Variants in TUSC3 observed in about 807,000 individuals in gnomAD.
The protein encoded by TUSC3 is dolichyl-diphosphooligosaccharide--protein glycosyltransferase subunit TUSC3.
TUSC3 carries 45 observed loss-of-function variants against 44.8 expected under a neutral mutation model. The observed-to-expected ratio is 1.00, with a 90% CI of 0.79 to 1.29. The LOEUF is 1.29. Among genes scored for constraint, TUSC3 ranks in the 50% most tolerant of loss-of-function variants. TUSC3 has a pLI of 0.00. For synonymous variants in TUSC3, 212 were observed against 152.9 expected (o/e 1.39, Z -2.85); for missense variants, 519 against 437.9 (o/e 1.19, Z -1.65).
intron 2 of TUSC3, among the ~76,000 whole-genome samples, chr8:15,520,195 T>G (rs1273724967): frequency 6.6e-6 from 1 of 152,190 alleles, no homozygotes; most frequent in African/African-American, 2.4e-5. Context: ...TATGAAACAC[T>G]GAGAAAGAGG....
At chr8:15,722,271 C>G (rs908007809) in intron 6 of TUSC3, among the ~76,000 whole-genome samples, 1 of 149,976 alleles carries the variant, frequency 6.7e-6, no homozygotes. Context: ...TTTCCTTTAC[C>G]TACAACACCT....
intron 3 of TUSC3, among the ~76,000 whole-genome samples, chr8:15,657,381 C>G (rs565887884): frequency 1.3e-5 from 2 of 152,198 alleles, no homozygotes; most frequent in Admixed American, 6.5e-5. Flanking sequence ...CAGATATCCT[C>G]GTTGATTGCT....
intron 1 of TUSC3, among the ~76,000 whole-genome samples, chr8:15,592,271 G>A (rs963640239): frequency 2.0e-5 from 3 of 152,174 alleles, no homozygotes; most frequent in Admixed American, 1.3e-4. Flanking sequence ...AGCTCTCAAG[G>A]CAGACAATTG....
chr8:15,806,132 G>A, the TUSC3 span: 2 of 445,458 alleles, frequency 4.5e-6, no homozygotes, highest in African/African-American at 2.0e-5. Flanking sequence ...AAACTCCATG[G>A]CTAGATGAGC....
At chr8:15,422,183 T>A (rs1799746121) in intron 1 of TUSC3, among the ~76,000 whole-genome samples, 1 of 152,234 alleles carries the variant, frequency 6.6e-6, no homozygotes, top group Non-Finnish European at 1.5e-5. Context: ...TACTATGGTT[T>A]TTTATGTACT....
chr8:15,651,021 AC>A (rs1806879993), intron 3 of TUSC3: 4 of 502,436 alleles, frequency 8.0e-6, no homozygotes, highest in South Asian at 4.2e-5. Context: ...ACACACACAC[AC>A]AAATACAATT....
At chr8:15,420,400 A>G (rs1390204812) in intron 1 of TUSC3, among the ~76,000 whole-genome samples, 2 of 151,968 alleles carry the variant, frequency 1.3e-5, no homozygotes, top group South Asian at 2.1e-4. Context: ...TTGGAGGCTG[A>G]GGCAGGAAAA....
At chr8:15,497,865 C>G (rs2129126577) in intron 2 of TUSC3, among the ~76,000 whole-genome samples, 1 of 152,152 alleles carries the variant, frequency 6.6e-6, no homozygotes, top group East Asian at 1.9e-4. Context: ...CTGCCTCAGC[C>G]TCCTGAGTAG....
At chr8:15,823,883 T>G in the TUSC3 span, among the ~76,000 whole-genome samples, 1,884 of 152,300 alleles carry the variant, frequency 0.012, 37 homozygotes, top group East Asian at 0.076. Flanking sequence ...CGTAAAGCAT[T>G]ATTTATTAGT....
chr8:15,515,725 T>C (rs914456711), intron 2 of TUSC3, among the ~76,000 whole-genome samples: 1 of 152,094 alleles, frequency 6.6e-6, no homozygotes, highest in African/African-American at 2.4e-5. Flanking sequence ...TGGAGGGCAG[T>C]CATGCAATCT....
intron 1 of TUSC3, among the ~76,000 whole-genome samples, chr8:15,601,981 TG>T (rs1284126181): frequency 6.6e-6 from 1 of 151,536 alleles, no homozygotes; most frequent in African/African-American, 2.4e-5. Flanking sequence ...CATTATAATT[TG>T]TATCAATTGA....
chr8:15,759,680 G>A (rs2129223918), intron 10 of TUSC3, among the ~76,000 whole-genome samples: 1 of 151,954 alleles, frequency 6.6e-6, no homozygotes, highest in African/African-American at 2.4e-5. Context: ...TCATACCCTG[G>A]ATTTTGTAAC....
intron 1 of TUSC3, among the ~76,000 whole-genome samples, chr8:15,601,781 C>A (rs1009055371): frequency 6.6e-6 from 1 of 151,672 alleles, no homozygotes; most frequent in African/African-American, 2.4e-5. Flanking sequence ...GTATTAAGAG[C>A]TTTCCTGAGT....
At chr8:15,756,332 C>T (rs531723745) in intron 9 of TUSC3, among the ~76,000 whole-genome samples, 2 of 152,192 alleles carry the variant, frequency 1.3e-5, no homozygotes, top group African/African-American at 2.4e-5. Flanking sequence ...TATGATAAAA[C>T]CTACCTCAGA....
At chr8:15,811,833 T>G in the TUSC3 span, among the ~76,000 whole-genome samples, 1 of 152,144 alleles carries the variant, frequency 6.6e-6, no homozygotes, top group Non-Finnish European at 1.5e-5. Context: ...CTGTCACATT[T>G]GTCTGAGTAG....
At chr8:15,638,198 C>T (rs1301371576) in intron 2 of TUSC3, among the ~76,000 whole-genome samples, 11 of 152,052 alleles carry the variant, frequency 7.2e-5, no homozygotes, top group Non-Finnish European at 1.5e-5. Flanking sequence ...GCTAGGATCC[C>T]TCGTACCCCT....
intron 6 of TUSC3, among the ~76,000 whole-genome samples, chr8:15,684,674 G>T (rs1280982104): frequency 2.6e-5 from 4 of 152,154 alleles, no homozygotes; most frequent in African/African-American, 9.7e-5. Flanking sequence ...CCATGCCACA[G>T]TCTTCTCTGT....
chr8:15,755,644 A>C (rs1811895756), intron 9 of TUSC3, among the ~76,000 whole-genome samples: 1 of 152,100 alleles, frequency 6.6e-6, no homozygotes, highest in African/African-American at 2.4e-5. Context: ...AAATGAAGAC[A>C]TTGAGGGCTA....
the TUSC3 span, among the ~76,000 whole-genome samples, chr8:15,785,606 A>C: frequency 1.3e-5 from 2 of 152,020 alleles, no homozygotes; most frequent in African/African-American, 4.8e-5. Flanking sequence ...AAAACTGCGC[A>C]ATCTGAGCAC....
Sources: allele counts gnomAD v4.1 joint callset (sites outside exome capture counted in the v4.1 genomes callset), GRCh38; gene constraint gnomAD v4.1.1; transcripts MANE v1.5; gene names NCBI Gene and HGNC (gene_info 2026-07-23, HGNC 2026-07-21).